Variants in TFAP2E observed in about 807,000 individuals in gnomAD.
TFAP2E encodes transcription factor AP-2-epsilon.
A neutral mutation model predicts 37.9 loss-of-function variants in TFAP2E; 30 were observed. That is an observed-to-expected ratio of 0.79 (90% CI 0.59 to 1.07). The LOEUF is 1.07. TFAP2E is among the 50% of genes least tolerant of loss of function. The probability of loss-of-function intolerance (pLI) is 0.00; values close to 1 mark genes in which losing one functional copy is unlikely to be tolerated. For missense variants in TFAP2E, 567 were observed against 637.9 expected (o/e 0.89, Z 1.20); for synonymous variants, 318 against 295.8 (o/e 1.08, Z -0.77).
Position 35,588,677 on chromosome 1 carries a change from G to A in TFAP2E, c.785+125G>A. On this transcript the variant is annotated intron_variant, in intron 4 of 6. Transcript: ENST00000373235. This position sits in a 1 kb window ranked among gnomAD's most constrained non-coding sequence, Gnocchi z 5.1. ...TGCCTCAGTCTCCCTGGGAGGGGAG[G>A]CCCCGGGGACTCTGGATTGTGCATG... is the stretch of plus-strand genomic sequence containing the variant. The A allele has an allele frequency of 9.8e-7, 1 of 1,025,092 alleles. No homozygotes were observed. Among genetic ancestry groups the A allele is most frequent in the Non-Finnish European group, 1.4e-6 (1 of 735,762 alleles). 63.5% of individuals were successfully genotyped at this position (1,025,092 alleles called of 1,614,324 possible).
In TFAP2E at chr1:35,574,396, T is replaced by C; in HGVS notation, c.497T>C (p.Leu166Pro). Reference protein sequence around the residue: ...GLPGLAAAPGLEDLQAMDEPG... With the variant: ...GLPGLAAAPGPEDLQAMDEPG... Reference sequence around the variant, plus strand: ...CCGGGGCTGGCGGCGGCCCCCGGTCTGGAGGACCTGCAGGTGAGACCCGAG... The same window carrying C: ...CCGGGGCTGGCGGCGGCCCCCGGTCCGGAGGACCTGCAGGTGAGACCCGAG... Residue 166 changes from leucine (L) to proline (P), a missense_variant, in exon 2 of 7, where the codon CTG becomes CCG. By Grantham distance (98) the Leu-to-Pro change is moderately conservative (BLOSUM62 -3). Coordinates refer to ENST00000373235, the MANE Select transcript of TFAP2E (RefSeq NM_178548.4). The C allele has an allele frequency of 7.0e-7, 1 of 1,433,552 alleles. No individual in the cohort carries two copies. The highest frequency in any genetic ancestry group is 1.5e-5 in the South Asian group (1 of 68,728). The allele number at this position is 1,433,552 out of a possible 1,614,324, so 88.8% of individuals were successfully genotyped here.
chr1:35,574,795 G>A, intron 2 of TFAP2E, 154 bp from the exon 3 acceptor site: 10 of 966,468 alleles, frequency 1.0e-5, no homozygotes, highest in Non-Finnish European at 1.6e-5. Context: ...CTCAGTGCCT[G>A]GACATAGCGA....
chr1:35,583,100 C>T (rs1649396853), intron 3 of TFAP2E, among the ~76,000 whole-genome samples: 1 of 151,962 alleles, frequency 6.6e-6, no homozygotes, highest in Non-Finnish European at 1.5e-5. Flanking sequence ...ACAGTTTCAC[C>T]ATGTTGGCCA....
At chr1:35,580,826 A>G (rs1649331608) in intron 3 of TFAP2E, among the ~76,000 whole-genome samples, 1 of 152,064 alleles carries the variant, frequency 6.6e-6, no homozygotes, top group African/African-American at 2.4e-5. Context: ...ACTGCATGAG[A>G]ACCCCTGGAA....
intron 4 of TFAP2E, 128 bp from the exon 5 acceptor site, chr1:35,589,802 C>T: frequency 2.2e-6 from 2 of 924,676 alleles, no homozygotes; most frequent in Non-Finnish European, 3.5e-6. Context: ...CTCAGAGCAT[C>T]CCCAGGACCA....
rs200464156 is a variant in TFAP2E, at chr1:35,573,572, C to T, written c.-6C>T. The T allele has an allele frequency of 1.3e-6, 2 of 1,528,478 alleles. No homozygotes were observed. Among genetic ancestry groups the T allele is most frequent in the African/African-American group, 1.4e-5 (1 of 70,066 alleles). 94.7% of individuals were successfully genotyped at this position (1,528,478 alleles called of 1,614,324 possible). On this transcript the variant is annotated 5_prime_UTR_variant, in exon 1 of 7. Coordinates refer to ENST00000373235, the MANE Select transcript of TFAP2E (RefSeq NM_178548.4). The surrounding 1 kb of genome is among the most constrained non-coding windows in gnomAD (Gnocchi z 5.9). ...GCCACGCCTCGCGCCCGGCACTCAC[C>T]GCCCCATGCTGGTGCACACCTACTC...
rs1383006039 is a variant in TFAP2E, at chr1:35,586,800, T to G, written c.563-1530T>G. On this transcript the variant is annotated intron_variant, in intron 3 of 6. Coordinates refer to ENST00000373235, the MANE Select transcript of TFAP2E (RefSeq NM_178548.4). ...ATCCAGAGAGGGAGAGACTAGACGTTCTGCCAGGCTACGGATCAGGCTAGC... is the reference window on the plus strand; with the variant it reads ...ATCCAGAGAGGGAGAGACTAGACGTGCTGCCAGGCTACGGATCAGGCTAGC... Among the ~76,000 whole-genome samples, 2 of 152,084 alleles carry G rather than the reference T, an allele frequency of 1.3e-5. 1 individual carries two copies. The highest frequency in any genetic ancestry group is 4.8e-5 in the African/African-American group (2 of 41,402).
chr1:35,587,413 G>A (rs1649511733), intron 3 of TFAP2E, among the ~76,000 whole-genome samples: 2 of 152,106 alleles, frequency 1.3e-5, no homozygotes, highest in Admixed American at 6.5e-5. Flanking sequence ...GCCGAGGCGG[G>A]TGGATCATGA....
chr1:35,593,661 A>G (rs1649748182), intron 6 of TFAP2E, among the ~76,000 whole-genome samples: 1 of 152,210 alleles, frequency 6.6e-6, no homozygotes. Context: ...TCGTTCACTT[A>G]TCAGCTCATT....
intron 3 of TFAP2E, among the ~76,000 whole-genome samples, chr1:35,576,773 C>A (rs1557432740): frequency 6.6e-6 from 1 of 152,224 alleles, no homozygotes; most frequent in Non-Finnish European, 1.5e-5. Flanking sequence ...CCTAGGGGTA[C>A]GCCGAAATCC....
intron 3 of TFAP2E, among the ~76,000 whole-genome samples, chr1:35,575,281 G>A (rs535513499): frequency 6.6e-6 from 1 of 152,364 alleles, no homozygotes; most frequent in East Asian, 1.9e-4. Context: ...TTGTGGATCT[G>A]GAGTTGATTT....
chr1:35,574,962 C>G lies in TFAP2E; in HGVS notation c.524C>G (p.Pro175Arg), dbSNP rs773136594. Residue 175 changes from proline to arginine, a missense_variant, in exon 3 of 7, where the codon CCG becomes CGG. Around this residue, in one of 3 missense-constraint regions of TFAP2E, gnomAD observed 312 missense variants for 317.4 expected, o/e 0.98. Coordinates refer to ENST00000373235, the MANE Select transcript of TFAP2E (RefSeq NM_178548.4). ...GLEDLQAMDE[P>R]GMSLLDQSVI... Reference sequence around the variant, plus strand: ...TGCTATTTGCAGGCAATGGACGAGCCGGGAATGAGCCTCCTAGACCAGTCC... The same window carrying G: ...TGCTATTTGCAGGCAATGGACGAGCGGGGAATGAGCCTCCTAGACCAGTCC... 4 of 1,613,936 alleles carry G rather than the reference C, an allele frequency of 2.5e-6. No individual in the cohort carries two copies. In the South Asian group the frequency reaches 3.3e-5, roughly 13 times the overall value.
intron 3 of TFAP2E, among the ~76,000 whole-genome samples, chr1:35,584,069 A>G (rs1649418921): frequency 6.6e-6 from 1 of 152,164 alleles, no homozygotes; most frequent in African/African-American, 2.4e-5. Context: ...TGCTGTATTT[A>G]TCACAAGGGC....
Position 35,590,191 on chromosome 1 carries a change from T to C in TFAP2E, c.904+143T>C. The C allele has an allele frequency of 2.5e-6, 2 of 785,704 alleles. No individual in the cohort carries two copies. Among genetic ancestry groups the C allele is most frequent in the Non-Finnish European group, 4.3e-6 (2 of 467,316 alleles). 48.7% of individuals were successfully genotyped at this position (785,704 alleles called of 1,614,324 possible). ...TTGCAGTATCTGTGTGCGTATTCTC[T>C]GTCATGTATAAGGTGTGTTTGTGAT... is the stretch of plus-strand genomic sequence containing the variant. On this transcript the variant is annotated intron_variant, in intron 5 of 6. Coordinates refer to ENST00000373235, the MANE Select transcript of TFAP2E (RefSeq NM_178548.4). This position sits in a 1 kb window ranked among gnomAD's most constrained non-coding sequence, Gnocchi z 6.2.
rs1038470033 is a variant in TFAP2E at position 35,594,942 on chromosome 1, A to C, written c.*266A>C. 1.9e-6 allele frequency: 1 copy of C among 520,408 alleles called. No individual in the cohort carries two copies. Among genetic ancestry groups the C allele is most frequent in the Non-Finnish European group, 3.4e-6 (1 of 295,186 alleles). 32.2% of individuals were successfully genotyped at this position (520,408 alleles called of 1,614,324 possible). A position where few individuals can be genotyped will look rare whatever the true frequency, so the allele number is the denominator to read the frequency against. On this transcript the variant is annotated 3_prime_UTR_variant, in exon 7 of 7. Coordinates refer to ENST00000373235, the MANE Select transcript of TFAP2E (RefSeq NM_178548.4). ...TGATGGTTGAGAAGGGTTTGGACAGAAAATTGACATGAAAAGATCTGGCTC... is the reference window on the plus strand; with the variant it reads ...TGATGGTTGAGAAGGGTTTGGACAGCAAATTGACATGAAAAGATCTGGCTC...
chr1:35,577,387 C>T lies in TFAP2E; in HGVS notation c.562+2387C>T, dbSNP rs999209765. 1 of 456,830 alleles carries T rather than the reference C, an allele frequency of 2.2e-6. No individual in the cohort carries two copies. The highest frequency in any genetic ancestry group is 4.4e-6 in the Non-Finnish European group (1 of 227,004). The allele number at this position is 456,830 out of a possible 1,614,324, so 28.3% of individuals were successfully genotyped here. ...CAGCCCAGTGGGGAGTGAATTAGCG[C>T]CCTCCTTCGTCCTCGGCCCTTCCGA... is the stretch of plus-strand genomic sequence containing the variant. On this transcript the variant is annotated intron_variant, in intron 3 of 6. Coordinates refer to ENST00000373235, the MANE Select transcript of TFAP2E (RefSeq NM_178548.4). The surrounding 1 kb of genome is among the most constrained non-coding windows in gnomAD (Gnocchi z 6.3).
At chr1:35,591,639 G>A (rs1436237686) in intron 6 of TFAP2E, among the ~76,000 whole-genome samples, 2 of 152,208 alleles carry the variant, frequency 1.3e-5, no homozygotes, top group Non-Finnish European at 2.9e-5. Flanking sequence ...AGGTCTGCGA[G>A]GGCACCTCAG....
Position 35,573,929 on chromosome 1 carries a change from G to T in TFAP2E, c.30G>T (p.Glu10Asp). The T allele has an allele frequency of 2.1e-6, 3 of 1,454,360 alleles. No homozygotes were observed. The highest frequency in any genetic ancestry group is 2.7e-6 in the Non-Finnish European group (3 of 1,119,750). 90.1% of individuals were successfully genotyped at this position (1,454,360 alleles called of 1,614,324 possible). Residue 10 changes from glutamate to aspartate, a missense_variant and splice_region_variant, in exon 2 of 7, where the codon GAG becomes GAT. By Grantham distance (45) the Glu-to-Asp change is conservative. Around this residue, in one of 3 missense-constraint regions of TFAP2E, gnomAD observed 312 missense variants for 317.4 expected, o/e 0.98. Transcript: ENST00000373235. This position sits in a 1 kb window ranked among gnomAD's most constrained non-coding sequence, Gnocchi z 5.9. MLVHTYSAM[E>D]RPDGLGAAAG... ...AAGGCACCCCTCTCCTTCCCCAGGA[G>T]CGCCCCGACGGGCTGGGAGCAGCTG... is the stretch of plus-strand genomic sequence containing the variant.
At position 35,594,657 on chromosome 1, in the gene TFAP2E, A is replaced by G. The variant is rs1649779895; in HGVS notation, c.1310A>G (p.Asp437Gly). The change falls in exon 7 of 7, where the codon GAT (aspartate) becomes GGT (glycine). Residue 437 changes from aspartate (D) to glycine (G), a missense_variant. This residue lies in a region of TFAP2E where 252 missense variants were observed against 302.6 expected (regional missense o/e 0.83). Transcript: ENST00000373235. ...GHGETKASEKDAKHRK is the reference protein window; with the variant it reads ...GHGETKASEKGAKHRK ...GGTGAAACCAAGGCTTCGGAGAAGG[A>G]TGCCAAGCATCGGAAATAACTGCTT... 1 of 1,614,062 alleles carries G rather than the reference A, an allele frequency of 6.2e-7. No homozygotes were observed. Among genetic ancestry groups the G allele is most frequent in the Non-Finnish European group, 8.5e-7 (1 of 1,180,040 alleles).
Sources: allele counts gnomAD v4.1 joint callset (sites outside exome capture counted in the v4.1 genomes callset), GRCh38; gene constraint gnomAD v4.1.1; regional missense constraint gnomAD v4.1.1; non-coding constraint Gnocchi (gnomAD v3.1); transcripts MANE v1.5; gene names NCBI Gene and HGNC (gene_info 2026-07-23, HGNC 2026-07-21).